AAGAB: variants seen among roughly 807,000 people sequenced by gnomAD.
The protein encoded by AAGAB is alpha- and gamma-adaptin-binding protein p34.
In AAGAB, 38 loss-of-function variants were observed where a neutral mutation model predicts 44.1. The ratio of observed to expected loss-of-function variants is 0.86; its 90% CI spans 0.67 to 1.13. The LOEUF is 1.13. Among genes scored for constraint, AAGAB ranks in the 50% most tolerant of loss-of-function variants. The pLI is 0.00. For missense variants in AAGAB, 450 were observed against 373.8 expected (o/e 1.20, Z -1.68); for synonymous variants, 131 against 131.8 (o/e 0.99, Z 0.04).
chr15:67,232,572 A>G (rs1380070052), intron 4 of AAGAB: 2 of 411,212 alleles, frequency 4.9e-6, no homozygotes, highest in South Asian at 4.0e-5. Context: ...AATTCGGGAA[A>G]AAGTAGCCAA....
At position 67,209,505 on chromosome 15, in the gene AAGAB, C is replaced by G. The variant is rs1963761128; in HGVS notation, c.575G>C (p.Gly192Ala). Residue 192 changes from glycine to alanine, a missense_variant, in exon 6 of 10, where the codon GGA becomes GCA. By Grantham distance (60) the Gly-to-Ala change is moderately conservative. Coordinates refer to ENST00000261880, the MANE Select transcript of AAGAB (RefSeq NM_024666.5). ...QGFSLLNSLT[G>A]TNHSIGSADP... is the part of the protein sequence containing the mutation. ...TGCTGACCCAATGCTATGGTTTGTT[C>G]CAGTCAATGAGTTGAGAAGGCTAAA... is the stretch of plus-strand genomic sequence containing the variant. 5 of 1,614,134 alleles carry G rather than the reference C, an allele frequency of 3.1e-6. No individual in the cohort carries two copies. Among genetic ancestry groups the G allele is most frequent in the East Asian group, 2.2e-5 (1 of 44,870 alleles).
At chr15:67,234,008 C>G (rs548530184) in intron 4 of AAGAB, among the ~76,000 whole-genome samples, 2 of 150,864 alleles carry the variant, frequency 1.3e-5, no homozygotes, top group Non-Finnish European at 2.9e-5. Flanking sequence ...TTTGGGAGGC[C>G]GAGGCAGGTG....
intron 7 of AAGAB, among the ~76,000 whole-genome samples, chr15:67,204,634 A>G (rs1963645694): frequency 1.3e-5 from 2 of 151,764 alleles, no homozygotes; most frequent in Non-Finnish European, 2.9e-5. Flanking sequence ...AAATGATATG[A>G]AAAAAAAACC....
chr15:67,236,571 A>C (rs979370190), intron 2 of AAGAB, 59 bp downstream of exon 2: 1 of 1,599,822 alleles, frequency 6.3e-7, no homozygotes, highest in African/African-American at 1.3e-5. Context: ...ATGTAATGGG[A>C]AAAAAAGAAG....
chr15:67,219,901 ATAGT>A (rs1347343160), intron 5 of AAGAB, among the ~76,000 whole-genome samples: 3 of 152,200 alleles, frequency 2.0e-5, no homozygotes, highest in Non-Finnish European at 2.9e-5. Flanking sequence ...TGCCTATACT[ATAGT>A]TATAGTACTG....
upstream of AAGAB, chr15:67,254,978 T>A (rs1402756904): frequency 1.9e-6 from 3 of 1,602,984 alleles, no homozygotes; most frequent in Admixed American, 5.0e-5. Context: ...GGCCCTGCCC[T>A]GCCCAGCCGC....
chr15:67,206,342 G>A (rs1963684755), intron 7 of AAGAB, among the ~76,000 whole-genome samples: 1 of 152,156 alleles, frequency 6.6e-6, no homozygotes, highest in Admixed American at 6.5e-5. Flanking sequence ...AATTAAAGTG[G>A]CTGGCATCTG....
chr15:67,241,150 A>G (rs977975889), intron 1 of AAGAB, among the ~76,000 whole-genome samples: 3 of 152,248 alleles, frequency 2.0e-5, no homozygotes, highest in Middle Eastern at 3.4e-3. Context: ...AAAAAGACAA[A>G]TGCATTCTAA....
At chr15:67,228,832 G>T (rs1168246607) in intron 5 of AAGAB, among the ~76,000 whole-genome samples, 1 of 152,084 alleles carries the variant, frequency 6.6e-6, no homozygotes, top group African/African-American at 2.4e-5. Context: ...CAGCAACATG[G>T]ACACAGCTGG....
chr15:67,249,677 A>T (rs565086491), intron 1 of AAGAB, among the ~76,000 whole-genome samples: 2 of 152,306 alleles, frequency 1.3e-5, no homozygotes, highest in East Asian at 1.9e-4. Flanking sequence ...CGTCTCTCTC[A>T]TTGCTTACAC....
chr15:67,236,890 G>T, intron 1 of AAGAB, 70 bp from the exon 2 acceptor site: 1 of 1,255,990 alleles, frequency 8.0e-7, no homozygotes, highest in Non-Finnish European at 1.1e-6. Context: ...TTCTCAGTCA[G>T]ATACCAGATA....
intron 5 of AAGAB, among the ~76,000 whole-genome samples, chr15:67,216,172 G>A (rs148094600): frequency 0.011 from 1,732 of 151,882 alleles, 45 homozygotes; most frequent in African/African-American, 0.04. Flanking sequence ...GGCCAGGCAC[G>A]GTGGCTCACA....
chr15:67,236,652 A>T lies in AAGAB; in HGVS notation c.242T>A (p.Val81Glu). Residue 81 changes from valine (V) to glutamate (E), a missense_variant, in exon 2 of 10, where the codon GTG becomes GAG. Val to Glu is a moderately radical substitution (Grantham distance 121, BLOSUM62 -2). Transcript: ENST00000261880. ...AEIAESVQAF[V>E]VYFDSTQKSG... ...TACTTGTGTGCTGTCAAAGTAAACCACAAATGCTTGGACAGATTCTGCAAT... is the reference window on the plus strand; with the variant it reads ...TACTTGTGTGCTGTCAAAGTAAACCTCAAATGCTTGGACAGATTCTGCAAT... 6.2e-7 allele frequency: 1 copy of T among 1,613,664 alleles called. No homozygotes were observed. The highest frequency in any genetic ancestry group is 1.1e-5 in the South Asian group (1 of 90,802).
Position 67,209,473 on chromosome 15 carries a change from AG to A in AAGAB, c.606del (p.Cys203ValfsTer40). On this transcript the variant is annotated frameshift_variant, in exon 6 of 10. Coordinates refer to ENST00000261880, the MANE Select transcript of AAGAB (RefSeq NM_024666.5). LOFTEE classifies it high-confidence loss of function. ...GTNHSIGSAD[P>X]CHPEQPHLPA... ...AGAAAAACCTTTACCTCTGGGTGAC[AG>A]GGATCTGCTGACCCAATGCTATGGT... 6.2e-7 allele frequency: 1 copy of A among 1,614,062 alleles called. No homozygotes were observed. Among genetic ancestry groups the A allele is most frequent in the East Asian group, 2.2e-5 (1 of 44,878 alleles).
intron 5 of AAGAB, among the ~76,000 whole-genome samples, chr15:67,210,298 C>T (rs997044281): frequency 6.6e-6 from 1 of 152,132 alleles, no homozygotes; most frequent in Non-Finnish European, 1.5e-5. Flanking sequence ...CGGCGGATCA[C>T]AAGGTCAGGA....
At chr15:67,222,007 T>C (rs560648083) in intron 5 of AAGAB, among the ~76,000 whole-genome samples, 2 of 152,094 alleles carry the variant, frequency 1.3e-5, no homozygotes, top group African/African-American at 4.8e-5. Context: ...TCAGTTCCTA[T>C]AGTACCTTAA....
At chr15:67,255,016 C>A, upstream of AAGAB, 1 of 1,470,220 alleles carries the variant, frequency 6.8e-7, no homozygotes, top group East Asian at 2.4e-5. Flanking sequence ...TCCCGCGCGC[C>A]GATTCACCGA....
chr15:67,245,228 T>A (rs568555140), intron 1 of AAGAB, among the ~76,000 whole-genome samples: 16 of 152,202 alleles, frequency 1.1e-4, no homozygotes, highest in Non-Finnish European at 2.4e-4. Flanking sequence ...ACAGCATTAT[T>A]CACAATAGCC....
At chr15:67,208,283 C>G (rs1304534035) in intron 7 of AAGAB, among the ~76,000 whole-genome samples, 2 of 152,250 alleles carry the variant, frequency 1.3e-5, no homozygotes, top group African/African-American at 2.4e-5. Context: ...ACAGAGCTAG[C>G]TGTTTCGCCA....
Sources: gnomAD v4.1 joint callset for allele counts (sites outside exome capture counted in the v4.1 genomes callset) on GRCh38, gnomAD v4.1.1 for gene constraint, MANE v1.5 for transcripts, NCBI Gene and HGNC (gene_info 2026-07-23, HGNC 2026-07-21) for gene names.